Variants in BANP observed in about 807,000 individuals in gnomAD.
The protein encoded by BANP is protein BANP.
BANP carries 11 observed loss-of-function variants against 68.1 expected under a neutral mutation model. That is an observed-to-expected ratio of 0.16 (90% CI 0.10 to 0.27). The LOEUF is 0.27. Ranked by LOEUF, BANP falls within the 10% of genes least tolerant of loss-of-function variation. The probability of loss-of-function intolerance (pLI) is 1.00; values close to 1 mark genes in which losing one functional copy is unlikely to be tolerated. For synonymous variants in BANP, 329 were observed against 303.2 expected (o/e 1.09, Z -0.88); for missense variants, 504 against 722.7 (o/e 0.70, Z 3.47).
intron 12 of BANP, among the ~76,000 whole-genome samples, chr16:88,067,078 T>C (rs1241497905): frequency 6.6e-6 from 1 of 152,228 alleles, no homozygotes; most frequent in Admixed American, 6.5e-5. Context: ...TTTTATTAAT[T>C]GGTGTTGGAC....
rs1027469301 is a variant in BANP, at chr16:88,077,183, C to T, written c.*522C>T. ...GGAGCCCTTTGCTGTGTGCTCTGTC[C>T]AGTGTCATGAGGCAGGTGTTTGCAA... is the stretch of plus-strand genomic sequence containing the variant. On this transcript the variant is annotated 3_prime_UTR_variant, in exon 14 of 14. Transcript: ENST00000682872. 6.5e-6 allele frequency: 1 copy of T among 154,212 alleles called. No individual in the cohort carries two copies. Among genetic ancestry groups the T allele is most frequent in the Non-Finnish European group, 1.4e-5 (1 of 69,320 alleles). The allele number at this position is 154,212 out of a possible 1,614,324, so 9.6% of individuals were successfully genotyped here. A position where few individuals can be genotyped will look rare whatever the true frequency, so the allele number is the denominator to read the frequency against.
chr16:88,052,485 G>A (rs748272329), intron 11 of BANP, among the ~76,000 whole-genome samples: 4 of 150,840 alleles, frequency 2.7e-5, no homozygotes, highest in Non-Finnish European at 5.9e-5. Context: ...TTAAAGTCAG[G>A]GATACATCCA....
rs1016926701 is a variant in BANP, at chr16:88,076,939, G to A, written c.*278G>A. 7 of 405,214 alleles carry A rather than the reference G, an allele frequency of 1.7e-5. No individual in the cohort carries two copies. Among genetic ancestry groups the A allele is most frequent in the African/African-American group, 1.2e-4 (6 of 48,692 alleles). 25.1% of individuals were successfully genotyped at this position (405,214 alleles called of 1,614,324 possible). A position where few individuals can be genotyped will look rare whatever the true frequency, so the allele number is the denominator to read the frequency against. On this transcript the variant is annotated 3_prime_UTR_variant, in exon 14 of 14. Coordinates refer to ENST00000682872, the MANE Select transcript of BANP (RefSeq NM_001386991.1). ...GCGTCGCATATGCGCGGGAAATCAA[G>A]AACTATGATATTTTTCTGTTTAAAC...
intron 11 of BANP, among the ~76,000 whole-genome samples, chr16:88,054,012 TACC>T (rs1254091501): frequency 8.7e-5 from 3 of 34,326 alleles, no homozygotes; most frequent in African/African-American, 9.0e-5. Context: ...CAACCACCTT[TACC>T]ACCACCACCA....
intron 2 of BANP, chr16:87,978,295 G>A (rs2062579663): frequency 1.0e-5 from 2 of 197,702 alleles, no homozygotes. Flanking sequence ...CATTACTGGA[G>A]TTACTGCACG....
At chr16:88,030,926 T>C (rs969489133) in intron 8 of BANP, among the ~76,000 whole-genome samples, 1 of 152,200 alleles carries the variant, frequency 6.6e-6, no homozygotes, top group Non-Finnish European at 1.5e-5. Flanking sequence ...TTCACAAGGT[T>C]TGATAATGCT....
In BANP at chr16:87,974,748, G is replaced by C. The variant is rs562731530; in HGVS notation, c.-68-300G>C. Among the ~76,000 whole-genome samples, 6 of 152,264 alleles carry C rather than the reference G, an allele frequency of 3.9e-5. No homozygotes were observed. In the East Asian group the frequency reaches 1.2e-3, roughly 29 times the overall value. ...GGAGACTTGGGCTGAGGGAGAGGACGTTTCCAAGCCAGTGTTGGGAAGGTG... is the reference window on the plus strand; with the variant it reads ...GGAGACTTGGGCTGAGGGAGAGGACCTTTCCAAGCCAGTGTTGGGAAGGTG... On this transcript the variant is annotated intron_variant, in intron 1 of 13. Coordinates refer to ENST00000682872, the MANE Select transcript of BANP (RefSeq NM_001386991.1).
chr16:87,975,341 C>T, intron 2 of BANP, 156 bp downstream of exon 2: 2 of 725,186 alleles, frequency 2.8e-6, no homozygotes, highest in South Asian at 1.7e-5. Context: ...ACTGTCGGCC[C>T]CTCCCTTCCC....
chr16:88,039,363 C>T (rs774464516), intron 11 of BANP, among the ~76,000 whole-genome samples: 4 of 143,288 alleles, frequency 2.8e-5, no homozygotes, highest in South Asian at 2.4e-4. Context: ...GCCTTTGTCC[C>T]GTGGTTCTCA....
In BANP at chr16:88,057,802, C is replaced by G. The variant is rs2085511832; in HGVS notation, c.1312-7465C>G. On this transcript the variant is annotated intron_variant, in intron 11 of 13. Coordinates refer to ENST00000682872, the MANE Select transcript of BANP (RefSeq NM_001386991.1). This position sits in a 1 kb window ranked among gnomAD's most constrained non-coding sequence, Gnocchi z 4.6. ...ACTCGCGCTGGCCCTGTCCCCGCACCCTGGACTCCAGGGCAAGTGGTGCTG... is the reference window on the plus strand; with the variant it reads ...ACTCGCGCTGGCCCTGTCCCCGCACGCTGGACTCCAGGGCAAGTGGTGCTG... Among the ~76,000 whole-genome samples, 4 of 151,868 alleles carry G rather than the reference C, an allele frequency of 2.6e-5. No homozygotes were observed. Among genetic ancestry groups the G allele is most frequent in the Admixed American group, 2.6e-4 (4 of 15,254 alleles).
At chr16:87,978,176 C>T (rs1343716141) in intron 2 of BANP, among the ~76,000 whole-genome samples, 2 of 152,092 alleles carry the variant, frequency 1.3e-5, no homozygotes, top group East Asian at 1.9e-4. Context: ...GTTCTTTTGT[C>T]GAATTCTAAA....
rs186422348 is a variant in BANP, at chr16:88,075,932, G to A, written c.1522-658G>A. ...GGCTAATTTTTGTATTTATTGTAGA[G>A]ACGAGGTTTCACCATTTTGGCCAGC... On this transcript the variant is annotated intron_variant, in intron 13 of 13. Coordinates refer to ENST00000682872, the MANE Select transcript of BANP (RefSeq NM_001386991.1). Among the ~76,000 whole-genome samples the A allele has an allele frequency of 1.2e-3, 180 of 151,974 alleles. 1 individual carries two copies. In the South Asian group the frequency reaches 0.015, roughly 12 times the overall value.
intron 7 of BANP, among the ~76,000 whole-genome samples, chr16:88,019,555 C>G: frequency 9.1e-6 from 1 of 109,298 alleles, no homozygotes; most frequent in Non-Finnish European, 1.9e-5. Context: ...CGTCCGGGAT[C>G]TCAGCGTGCG....
chr16:88,039,243 T>C (rs139345369), intron 11 of BANP, among the ~76,000 whole-genome samples: 25 of 151,922 alleles, frequency 1.6e-4, no homozygotes, highest in African/African-American at 5.1e-4. Context: ...ATTGCTGCTC[T>C]GGAAAAGAGC....
intron 1 of BANP, among the ~76,000 whole-genome samples, chr16:87,959,221 C>G (rs1001406442): frequency 5.3e-5 from 8 of 152,180 alleles, no homozygotes; most frequent in Non-Finnish European, 1.2e-4. Flanking sequence ...GAAGCAGGCA[C>G]CTTGTTTGTG....
At chr16:88,053,446 A>G (rs1159930352) in intron 11 of BANP, among the ~76,000 whole-genome samples, 1 of 144,496 alleles carries the variant, frequency 6.9e-6, no homozygotes, top group African/African-American at 2.9e-5. Context: ...TACCACTGTC[A>G]TCTCCATCAT....
chr16:88,007,331 A>G (rs1018097581), intron 6 of BANP, among the ~76,000 whole-genome samples: 1 of 152,164 alleles, frequency 6.6e-6, no homozygotes, highest in African/African-American at 2.4e-5. Context: ...TCCATGGCAC[A>G]GGATGCATTG....
intron 4 of BANP, among the ~76,000 whole-genome samples, chr16:87,992,062 C>T (rs542526601): frequency 6.6e-6 from 1 of 152,232 alleles, no homozygotes; most frequent in Non-Finnish European, 1.5e-5. Flanking sequence ...GGAGTTTTTT[C>T]TCATGAATGA....
chr16:88,070,553 C>T (rs74729706), intron 12 of BANP, among the ~76,000 whole-genome samples: 31,733 of 152,036 alleles, frequency 0.21, 3,740 homozygotes, highest in South Asian at 0.27. Context: ...GCTCGCAAGT[C>T]GTGGCTGGCA....
Sources: gnomAD v4.1 joint callset for allele counts (sites outside exome capture counted in the v4.1 genomes callset) on GRCh38, gnomAD v4.1.1 for gene constraint, Gnocchi (gnomAD v3.1) non-coding constraint, MANE v1.5 for transcripts, NCBI Gene and HGNC (gene_info 2026-07-23, HGNC 2026-07-21) for gene names.